WDR70: variants seen among roughly 807,000 people sequenced by gnomAD.
WDR70 encodes the protein WD repeat domain 70.
WDR70 carries 53 observed loss-of-function variants against 88.6 expected under a neutral mutation model. That is an observed-to-expected ratio of 0.60 (90% confidence interval 0.48 to 0.75). WDR70 has a LOEUF of 0.75. Ranked by LOEUF, WDR70 falls within the 30% of genes least tolerant of loss-of-function variation. The pLI is 0.00. For synonymous variants in WDR70, 280 were observed against 270.0 expected, an observed-to-expected ratio of 1.04 and a Z score of -0.36; for missense variants, 610 against 823.2, an observed-to-expected ratio of 0.74 and a Z score of 3.17.
intron 9 of WDR70, among the ~76,000 whole-genome samples, chr5:37,527,488 T>A (rs1741321578): frequency 1.3e-5 from 2 of 152,216 alleles, no homozygotes; most frequent in African/African-American, 2.4e-5. Context: ...TAATTCAAGA[T>A]GGATTAAAGA....
intron 13 of WDR70, among the ~76,000 whole-genome samples, chr5:37,717,602 T>A (rs1376062700): frequency 6.6e-6 from 1 of 152,218 alleles, no homozygotes; most frequent in Non-Finnish European, 1.5e-5. Context: ...ATAGCTCATC[T>A]GTCTTCTGAT....
Position 37,522,967 on chromosome 5 carries a change from A to G in WDR70, c.917+6377A>G, listed in dbSNP as rs181342703. On this transcript the variant is annotated intron_variant, in intron 9 of 17. Transcript: ENST00000265107. ...CACCAATGCTGAGGCTTGAGTAGGT[A>G]AACAAAGCAGCCGAGAAGCTTAAAC... is the stretch of plus-strand genomic sequence containing the variant. Among the ~76,000 whole-genome samples the G allele has an allele frequency of 2.0e-3, 301 of 152,360 alleles. 1 individual carries two copies. Among genetic ancestry groups the G allele is most frequent in the African/African-American group, 6.8e-3 (282 of 41,584 alleles).
rs146515848 is a variant in WDR70, at chr5:37,539,618, G to A, written c.917+23028G>A. On this transcript the variant is annotated intron_variant, in intron 9 of 17. Coordinates refer to ENST00000265107, the MANE Select transcript of WDR70 (RefSeq NM_018034.4). ...AGCCCTAGCAAACTAACAGAGAGGG[G>A]GAAGTGTTAGAGGAACTTAAGACTT... is the stretch of plus-strand genomic sequence containing the variant. Among the ~76,000 whole-genome samples, 196 of 152,328 alleles carry A rather than the reference G, an allele frequency of 1.3e-3. 1 individual carries two copies. Among genetic ancestry groups the A allele is most frequent in the African/African-American group, 4.6e-3 (191 of 41,568 alleles).
intron 9 of WDR70, among the ~76,000 whole-genome samples, chr5:37,579,969 T>C (rs1743173158): frequency 1.3e-5 from 2 of 152,228 alleles, no homozygotes; most frequent in South Asian, 4.1e-4. Context: ...ATCTTATTGA[T>C]TCATTAGAGG....
chr5:37,536,691 T>C (rs1030557870), intron 9 of WDR70, among the ~76,000 whole-genome samples: 1 of 152,144 alleles, frequency 6.6e-6, no homozygotes, highest in Non-Finnish European at 1.5e-5. Context: ...TTTTGGTCTT[T>C]TATTGTGCAG....
intron 17 of WDR70, among the ~76,000 whole-genome samples, chr5:37,747,090 T>C (rs549556185): frequency 2.6e-5 from 4 of 152,272 alleles, no homozygotes; most frequent in East Asian, 3.9e-4. Flanking sequence ...GTCAGCTTCA[T>C]CCCTGGGATG....
intron 3 of WDR70, among the ~76,000 whole-genome samples, chr5:37,391,306 A>G (rs1007135676): frequency 5.9e-5 from 9 of 152,304 alleles, no homozygotes; most frequent in African/African-American, 2.2e-4. Flanking sequence ...AAAATGTACC[A>G]TCTTAATATT....
chr5:37,505,696 C>T, intron 8 of WDR70: 1 of 946,268 alleles, frequency 1.1e-6, no homozygotes, highest in Non-Finnish European at 1.7e-6. Context: ...TCTCATCTGA[C>T]ATTTTGCGAC....
At chr5:37,492,278 T>G (rs941291622) in intron 8 of WDR70, among the ~76,000 whole-genome samples, 4 of 152,232 alleles carry the variant, frequency 2.6e-5, no homozygotes, top group South Asian at 4.1e-4. Flanking sequence ...GTAATTCACT[T>G]CTCCAACAGT....
At chr5:37,687,313 T>C (rs1746639671) in intron 10 of WDR70, among the ~76,000 whole-genome samples, 1 of 152,208 alleles carries the variant, frequency 6.6e-6, no homozygotes. Context: ...TTCATCTCAA[T>C]CAACTAAAGA....
At chr5:37,411,596 C>T (rs990513297) in intron 5 of WDR70, among the ~76,000 whole-genome samples, 2 of 152,084 alleles carry the variant, frequency 1.3e-5, no homozygotes, top group Admixed American at 6.6e-5. Context: ...TGTGTTGGCA[C>T]GCACCTGTAA....
intron 8 of WDR70, among the ~76,000 whole-genome samples, chr5:37,489,158 C>G (rs978355763): frequency 4.6e-5 from 7 of 152,194 alleles, no homozygotes; most frequent in African/African-American, 1.7e-4. Flanking sequence ...CCAGGTGGGC[C>G]AGTCTTCTGG....
chr5:37,571,029 C>T (rs1365814833), intron 9 of WDR70, among the ~76,000 whole-genome samples: 1 of 151,890 alleles, frequency 6.6e-6, no homozygotes. Context: ...TTTTTTAGGA[C>T]TGGCATCTTG....
chr5:37,443,168 A>G, intron 6 of WDR70, 71 bp from the exon 7 acceptor site: 1 of 1,501,238 alleles, frequency 6.7e-7, no homozygotes, highest in East Asian at 2.5e-5. Flanking sequence ...ATTAAAGAAC[A>G]GAAATGGGAG....
chr5:37,666,505 C>T (rs965320450), intron 10 of WDR70, among the ~76,000 whole-genome samples: 2 of 152,108 alleles, frequency 1.3e-5, no homozygotes, highest in African/African-American at 2.4e-5. Flanking sequence ...GGTCTAGCAA[C>T]GGATGATAAT....
At chr5:37,676,596 C>A (rs372961671) in intron 10 of WDR70, among the ~76,000 whole-genome samples, 1 of 151,736 alleles carries the variant, frequency 6.6e-6, no homozygotes, top group Non-Finnish European at 1.5e-5. Flanking sequence ...ACTTGATCAT[C>A]GTGGATAAGC....
chr5:37,465,669 T>C, intron 7 of WDR70, among the ~76,000 whole-genome samples: 1 of 150,962 alleles, frequency 6.6e-6, no homozygotes, highest in Admixed American at 6.6e-5. Context: ...TTTTTTTTTT[T>C]TTTTTTTTCT....
At chr5:37,521,641 A>G (rs193204044) in intron 9 of WDR70, among the ~76,000 whole-genome samples, 2 of 151,890 alleles carry the variant, frequency 1.3e-5, no homozygotes, top group East Asian at 3.9e-4. Flanking sequence ...CTTCAATTCC[A>G]TCCAGGCTGC....
At position 37,379,404 on chromosome 5, in the gene WDR70, G is replaced by C; in HGVS notation, c.25+12G>C. On this transcript the variant is annotated intron_variant, in intron 1 of 17. Coordinates refer to ENST00000265107, the MANE Select transcript of WDR70 (RefSeq NM_018034.4). Reference sequence around the variant, plus strand: ...TGGGCCCAGCGAAGGTGGGTTTCATGAGGCGAGTCCGGGCGGGGTGGGCCG... The same window carrying C: ...TGGGCCCAGCGAAGGTGGGTTTCATCAGGCGAGTCCGGGCGGGGTGGGCCG... 6.2e-7 allele frequency: 1 copy of C among 1,613,670 alleles called. No homozygotes were observed. Among genetic ancestry groups the C allele is most frequent in the Non-Finnish European group, 8.5e-7 (1 of 1,179,828 alleles).
Sources: gnomAD v4.1 joint callset for allele counts (sites outside exome capture counted in the v4.1 genomes callset) on GRCh38, gnomAD v4.1.1 for gene constraint, MANE v1.5 for transcripts, NCBI Gene and HGNC (gene_info 2026-07-23, HGNC 2026-07-21) for gene names.